Variants in MTA3 observed in about 807,000 individuals in gnomAD.
The protein encoded by MTA3 is metastasis associated 1 family member 3, also known as metastasis-associated protein MTA3.
MTA3 carries 34 observed loss-of-function variants against 83.5 expected under a neutral mutation model. The ratio of observed to expected loss-of-function variants is 0.41; its 90% confidence interval spans 0.31 to 0.54. MTA3 has a LOEUF of 0.54. Ranked by LOEUF, MTA3 falls within the 20% of genes least tolerant of loss-of-function variation. The pLI is 0.33. For synonymous variants in MTA3, 303 were observed against 252.7 expected, an observed-to-expected ratio of 1.20 and a Z score of -1.89; for missense variants, 761 against 726.4, an observed-to-expected ratio of 1.05 and a Z score of -0.55.
rs1281277783 is a variant in MTA3, at chr2:42,532,956, T to C, written c.-140-37481T>C. 1.3e-5 allele frequency: 3 copies of C among 226,742 alleles called. No homozygotes were observed. The East Asian group carries it at 3.6e-4, about 27-fold the overall frequency. The allele number at this position is 226,742 out of a possible 1,614,324, so 14.0% of individuals were successfully genotyped here. ...CTCTCTCAGCTCAGAGAGTGCTTAA[T>C]GTGCTCAATATGCACATTAATTCTC... On this transcript the variant is annotated intron_variant, in intron 2 of 17. Transcript: ENST00000405592.
chr2:42,583,603 G>T (rs1679916432), intron 3 of MTA3, among the ~76,000 whole-genome samples: 1 of 151,006 alleles, frequency 6.6e-6, no homozygotes, highest in Non-Finnish European at 1.5e-5. Context: ...GCACAATCTT[G>T]TCTCACTGCA....
chr2:42,750,023 C>T (rs1173239904), intron 16 of MTA3, among the ~76,000 whole-genome samples: 1 of 151,552 alleles, frequency 6.6e-6, no homozygotes, highest in Non-Finnish European at 1.5e-5. Flanking sequence ...GACGGAGTCT[C>T]ACTCTGTCGC....
intron 6 of MTA3, among the ~76,000 whole-genome samples, chr2:42,652,090 G>GA (rs376546805): frequency 1.3e-4 from 19 of 151,694 alleles, no homozygotes; most frequent in South Asian, 4.2e-4. Context: ...AGAAAAAAAA[G>GA]AAAAAAAAGA....
At chr2:42,500,770 T>C (rs1016471517) in intron 2 of MTA3, among the ~76,000 whole-genome samples, 1 of 149,936 alleles carries the variant, frequency 6.7e-6, no homozygotes, top group Non-Finnish European at 1.5e-5. Flanking sequence ...ACCGAGAAAA[T>C]CAAAGGGTTG....
At chr2:42,643,056 T>A (rs1209441420) in intron 5 of MTA3, among the ~76,000 whole-genome samples, 2 of 136,838 alleles carry the variant, frequency 1.5e-5, no homozygotes, top group African/African-American at 2.7e-5. Flanking sequence ...CTTTTTTTTT[T>A]AACAGTTTTT....
intron 16 of MTA3, among the ~76,000 whole-genome samples, chr2:42,723,978 A>C (rs551887537): frequency 6.6e-6 from 1 of 152,312 alleles, no homozygotes; most frequent in African/African-American, 2.4e-5. Flanking sequence ...TTGCATTTAT[A>C]GGTTATCAAT....
chr2:42,545,962 T>C (rs1676740382), intron 2 of MTA3, among the ~76,000 whole-genome samples: 1 of 152,132 alleles, frequency 6.6e-6, no homozygotes, highest in South Asian at 2.1e-4. Flanking sequence ...CAGAAAGATT[T>C]CAAGAAATGA....
At chr2:42,586,279 G>GA (rs571930742) in intron 3 of MTA3, among the ~76,000 whole-genome samples, 193 of 104,560 alleles carry the variant, frequency 1.8e-3, no homozygotes, top group East Asian at 2.4e-3. Context: ...CATCTCAAAA[G>GA]AAAAAAAAAA....
chr2:42,629,431 C>T (rs1381054256), intron 4 of MTA3, among the ~76,000 whole-genome samples: 2 of 152,010 alleles, frequency 1.3e-5, no homozygotes, highest in Non-Finnish European at 2.9e-5. Flanking sequence ...ATGACATGCC[C>T]TCTTGCTTTT....
chr2:42,594,379 G>A (rs1358729631), intron 3 of MTA3, among the ~76,000 whole-genome samples: 1 of 149,600 alleles, frequency 6.7e-6, no homozygotes, highest in Non-Finnish European at 1.5e-5. Context: ...TGGAATTACA[G>A]GTGTGCACCA....
Position 42,756,756 on chromosome 2 carries a change from T to C in MTA3, c.*3357T>C, listed in dbSNP as rs752286359. 19 of 985,348 alleles carry C rather than the reference T, an allele frequency of 1.9e-5. No individual in the cohort carries two copies. Among genetic ancestry groups the C allele is most frequent in the African/African-American group, 3.5e-5 (2 of 57,222 alleles). 61.0% of individuals were successfully genotyped at this position (985,348 alleles called of 1,614,324 possible). ...GTCCCAGTTTTCTGTCCACCCCTCC[T>C]GTTCCTCTGCACTATGTCTCTGATT... is the stretch of plus-strand genomic sequence containing the variant. On this transcript the variant is annotated 3_prime_UTR_variant, in exon 17 of 17. Coordinates refer to ENST00000405094, the MANE Select transcript of MTA3 (RefSeq NM_001330442.2).
chr2:42,689,672 A>G (rs941331395), intron 9 of MTA3, among the ~76,000 whole-genome samples: 1 of 151,654 alleles, frequency 6.6e-6, no homozygotes, highest in Non-Finnish European at 1.5e-5. Flanking sequence ...AAAGATGTTT[A>G]TAATAGGAGT....
intron 4 of MTA3, among the ~76,000 whole-genome samples, chr2:42,636,509 T>C (rs542435549): frequency 6.6e-6 from 1 of 151,870 alleles, no homozygotes; most frequent in Non-Finnish European, 1.5e-5. Context: ...GCCGCTGCAC[T>C]CCAGCCTGGG....
rs989477910 is a variant in MTA3, at chr2:42,588,858, G to T, written c.190+9658G>T. Among the ~76,000 whole-genome samples the T allele has an allele frequency of 2.0e-5, 3 of 152,160 alleles. No homozygotes were observed. The East Asian group carries it at 5.8e-4, about 29-fold the overall frequency. On this transcript the variant is annotated intron_variant, in intron 3 of 16. Transcript: ENST00000405094. ...TTCAACAGGTTTATATACATATAAA[G>T]AGATTTTTTTTGCAAGGAACTGGTT... is the stretch of plus-strand genomic sequence containing the variant.
At chr2:42,670,517 G>T (rs1690698008) in intron 8 of MTA3, among the ~76,000 whole-genome samples, 1 of 152,128 alleles carries the variant, frequency 6.6e-6, no homozygotes, top group Non-Finnish European at 1.5e-5. Flanking sequence ...AGACAGGAAA[G>T]GGCTGAAGAA....
intron 10 of MTA3, among the ~76,000 whole-genome samples, chr2:42,697,382 CAGAG>C (rs113912244): frequency 1.3e-4 from 20 of 149,594 alleles, no homozygotes; most frequent in South Asian, 8.4e-4. Context: ...TTTCTAAAAG[CAGAG>C]AGAGAGAGAG....
At chr2:42,575,712 C>G (rs571824250) in intron 2 of MTA3, among the ~76,000 whole-genome samples, 1 of 152,370 alleles carries the variant, frequency 6.6e-6, no homozygotes, top group Admixed American at 6.5e-5. Context: ...TTGAGCCTCA[C>G]AGAACCTTAC....
intron 2 of MTA3, among the ~76,000 whole-genome samples, chr2:42,561,864 A>G (rs1677690969): frequency 6.6e-6 from 1 of 152,144 alleles, no homozygotes; most frequent in Non-Finnish European, 1.5e-5. Flanking sequence ...TGTTTACTTA[A>G]AATTGAAAGG....
intron 8 of MTA3, among the ~76,000 whole-genome samples, chr2:42,672,919 T>A (rs1443631485): frequency 6.7e-6 from 1 of 148,938 alleles, no homozygotes; most frequent in Non-Finnish European, 1.5e-5. Context: ...CAATCTCAGC[T>A]CACTGCTACC....
Sources: gnomAD v4.1 joint callset for allele counts (sites outside exome capture counted in the v4.1 genomes callset) on GRCh38, gnomAD v4.1.1 for gene constraint, MANE v1.5 for transcripts, NCBI Gene and HGNC (gene_info 2026-07-23, HGNC 2026-07-21) for gene names.